NOL4: variants seen among roughly 807,000 people sequenced by gnomAD.
The protein encoded by NOL4 is nucleolar protein 4.
In NOL4, 17 loss-of-function variants were observed where a neutral mutation model predicts 75.9. The ratio of observed to expected loss-of-function variants is 0.22; its 90% CI spans 0.15 to 0.34. NOL4 has a LOEUF of 0.34. Ranked by LOEUF, NOL4 falls within the 10% of genes least tolerant of loss-of-function variation. The pLI, the probability that NOL4 is intolerant of heterozygous loss-of-function variation, is 1.00. For missense variants in NOL4, 614 were observed against 793.5 expected, an observed-to-expected ratio of 0.77 and a Z score of 2.72; for synonymous variants, 292 against 289.9, an observed-to-expected ratio of 1.01 and a Z score of -0.07.
intron 1 of NOL4, among the ~76,000 whole-genome samples, chr18:34,203,717 T>TCTCACACACA (rs1261546835): frequency 0.088 from 6,339 of 72,326 alleles, 508 homozygotes; most frequent in Non-Finnish European, 0.13. Context: ...TCTCTCTCTC[T>TCTCACACACA]CACACACACA....
intron 1 of NOL4, among the ~76,000 whole-genome samples, chr18:34,155,935 C>T (rs1434685640): frequency 6.6e-6 from 1 of 152,054 alleles, no homozygotes; most frequent in Non-Finnish European, 1.5e-5. Flanking sequence ...AATGCAGGCT[C>T]AAAGAAAGCA....
At chr18:33,879,056 C>A (rs546435039) in intron 10 of NOL4, among the ~76,000 whole-genome samples, 4 of 151,966 alleles carry the variant, frequency 2.6e-5, no homozygotes, top group Non-Finnish European at 4.4e-5. Flanking sequence ...TGAGGCTATG[C>A]CAACAACTCG....
chr18:34,202,732 C>T (rs1448396580), intron 1 of NOL4, among the ~76,000 whole-genome samples: 1 of 152,006 alleles, frequency 6.6e-6, no homozygotes, highest in East Asian at 1.9e-4. Context: ...TGAATAATTG[C>T]TCATAAAGAG....
chr18:34,103,447 C>T (rs1167759133), intron 4 of NOL4, among the ~76,000 whole-genome samples: 1 of 151,978 alleles, frequency 6.6e-6, no homozygotes, highest in East Asian at 1.9e-4. Context: ...ATACATGCAG[C>T]ATGTTGCTAA....
chr18:34,167,532 TTAGA>T (rs71159861), intron 1 of NOL4, among the ~76,000 whole-genome samples: 3,595 of 149,970 alleles, frequency 0.024, 50 homozygotes, highest in Non-Finnish European at 0.027. Flanking sequence ...CCTCAAATAA[TTAGA>T]TAGATAGATA....
chr18:33,904,329 G>T (rs970110409), intron 9 of NOL4, among the ~76,000 whole-genome samples: 5 of 151,800 alleles, frequency 3.3e-5, no homozygotes, highest in Non-Finnish European at 5.9e-5. Flanking sequence ...CCAAAAAGAG[G>T]GTATATAAAC....
At chr18:34,076,013 A>G in intron 5 of NOL4, among the ~76,000 whole-genome samples, 3 of 152,280 alleles carry the variant, frequency 2.0e-5, no homozygotes, top group Middle Eastern at 3.4e-3. Flanking sequence ...AGAAAATATA[A>G]GAAGTTTCAG....
At chr18:33,957,764 A>G (rs1314105386) in intron 7 of NOL4, among the ~76,000 whole-genome samples, 1 of 152,180 alleles carries the variant, frequency 6.6e-6, no homozygotes, top group Non-Finnish European at 1.5e-5. Flanking sequence ...AGAATAGACT[A>G]TCGTGTAGAA....
intron 1 of NOL4, among the ~76,000 whole-genome samples, chr18:34,131,832 T>G (rs917943809): frequency 6.6e-6 from 1 of 152,152 alleles, no homozygotes; most frequent in African/African-American, 2.4e-5. Context: ...GTTAGCAAGA[T>G]GTGTAAGACA....
intron 9 of NOL4, among the ~76,000 whole-genome samples, chr18:33,907,071 C>T (rs1191086840): frequency 2.0e-5 from 3 of 151,952 alleles, no homozygotes; most frequent in Non-Finnish European, 2.9e-5. Flanking sequence ...CGCCTGTAAT[C>T]CCAGCACTTT....
intron 5 of NOL4, among the ~76,000 whole-genome samples, chr18:34,042,244 A>T (rs115774009): frequency 2.4e-4 from 37 of 152,132 alleles, no homozygotes; most frequent in African/African-American, 8.9e-4. Context: ...CTACATACAC[A>T]AAGAGGCAAG....
At chr18:33,864,572 A>G (rs2063337550) in intron 10 of NOL4, among the ~76,000 whole-genome samples, 1 of 152,138 alleles carries the variant, frequency 6.6e-6, no homozygotes, top group Non-Finnish European at 1.5e-5. Context: ...GGAAGTTCCA[A>G]ACTGTCCCAC....
chr18:33,986,837 T>C (rs1176179091), intron 6 of NOL4, among the ~76,000 whole-genome samples: 1 of 152,156 alleles, frequency 6.6e-6, no homozygotes, highest in East Asian at 1.9e-4. Context: ...CCACTTTATT[T>C]ATAATTGCAA....
At chr18:34,060,145 T>A (rs2077012261) in intron 5 of NOL4, among the ~76,000 whole-genome samples, 1 of 152,308 alleles carries the variant, frequency 6.6e-6, no homozygotes, top group Non-Finnish European at 1.5e-5. Flanking sequence ...TAGCAATAAG[T>A]AATTATAATA....
At chr18:34,118,372 A>C (rs2079963374) in intron 2 of NOL4, among the ~76,000 whole-genome samples, 1 of 152,162 alleles carries the variant, frequency 6.6e-6, no homozygotes, top group Admixed American at 6.5e-5. Context: ...GATTTGAGAA[A>C]ATTTGTATCA....
chr18:33,853,763 T>C (rs567443842), intron 10 of NOL4, among the ~76,000 whole-genome samples: 159 of 152,192 alleles, frequency 1.0e-3, no homozygotes, highest in Non-Finnish European at 1.3e-3. Context: ...TGTTTAGGAA[T>C]TTAATGTCAT....
At chr18:34,153,757 G>T (rs887911022) in intron 1 of NOL4, among the ~76,000 whole-genome samples, 3 of 151,966 alleles carry the variant, frequency 2.0e-5, no homozygotes, top group African/African-American at 7.2e-5. Context: ...AAATATTATA[G>T]CTTAAATAAG....
intron 5 of NOL4, among the ~76,000 whole-genome samples, chr18:34,030,097 A>G (rs2075560356): frequency 6.6e-6 from 1 of 152,296 alleles, no homozygotes; most frequent in South Asian, 2.1e-4. Context: ...CCTATCTCAA[A>G]GTCAAAGTAA....
At chr18:34,128,559 A>G (rs2145893118) in intron 2 of NOL4, among the ~76,000 whole-genome samples, 1 of 152,010 alleles carries the variant, frequency 6.6e-6, no homozygotes, top group East Asian at 1.9e-4. Context: ...CCAAGAAGCT[A>G]GGCCATTATC....
Sources: gnomAD v4.1 joint callset for allele counts (sites outside exome capture counted in the v4.1 genomes callset) on GRCh38, gnomAD v4.1.1 for gene constraint, MANE v1.5 for transcripts, NCBI Gene and HGNC (gene_info 2026-07-23, HGNC 2026-07-21) for gene names.